The following ANKRD13D variants were observed in gnomAD, a reference collection of about 807,000 sequenced individuals.
ANKRD13D encodes the protein ankyrin repeat domain 13D, also known as ankyrin repeat domain-containing protein 13D.
ANKRD13D carries 24 observed loss-of-function variants against 68.8 expected under a neutral mutation model. That is an observed-to-expected ratio of 0.35 (90% CI 0.25 to 0.49). The LOEUF (loss-of-function observed/expected upper bound fraction) is 0.49. Among genes scored for constraint, ANKRD13D ranks in the 20% least tolerant of loss-of-function variants. The probability of loss-of-function intolerance (pLI) is 0.99; values close to 1 mark genes in which losing one functional copy is unlikely to be tolerated. For synonymous variants in ANKRD13D, 331 were observed against 336.1 expected, an observed-to-expected ratio of 0.98 and a Z score of 0.16; for missense variants, 735 against 832.1, an observed-to-expected ratio of 0.88 and a Z score of 1.44.
rs563561110 is a variant in ANKRD13D at position 67,295,169 on chromosome 11, G to A, written c.731+2989G>A. On this transcript the variant is annotated intron_variant, in intron 6 of 14. Coordinates refer to ENST00000511455, the MANE Select transcript of ANKRD13D (RefSeq NM_207354.3). ...GCGGTGGCTCACGCCTGTAATCCCA[G>A]CACTTTGGGAGGCCGAGGTGGGTGG... Among the ~76,000 whole-genome samples the A allele has an allele frequency of 8.1e-4, 124 of 152,304 alleles. 1 individual carries two copies. The South Asian group carries it at 0.025, about 31-fold the overall frequency.
rs771180296 is a variant in ANKRD13D at position 67,302,272 on chromosome 11, C to T, written c.1758C>T (p.Arg586=). Residue 586 remains arginine, a synonymous_variant, in exon 15 of 15, where the codon CGC becomes CGT. Transcript: ENST00000511455. ...SSREQEERER[R]GQQEEEDLQR... ...GGGAGCAGGAGGAGCGGGAGCGGCGCGGGCAGCAGGAGGAGGAGGACTTAC... is the reference window on the plus strand; with the variant it reads ...GGGAGCAGGAGGAGCGGGAGCGGCGTGGGCAGCAGGAGGAGGAGGACTTAC... 3.1e-5 allele frequency: 48 copies of T among 1,568,106 alleles called. No homozygotes were observed. Among genetic ancestry groups the T allele is most frequent in the South Asian group, 3.5e-5 (3 of 85,510 alleles).
At chr11:67,297,031 A>T (rs11601700) in intron 6 of ANKRD13D, among the ~76,000 whole-genome samples, 2 of 151,720 alleles carry the variant, frequency 1.3e-5, no homozygotes, top group Non-Finnish European at 2.9e-5. Context: ...TTTCTCTATT[A>T]TTTTTCTATT....
Position 67,302,161 on chromosome 11 carries a change from C to T in ANKRD13D, c.1647C>T (p.Gly549=), listed in dbSNP as rs548697717. ...TGCAGCTGTCCACAGAGCCCAGGGG[C>T]CCAGGATCCCCTCCCAGGACACCCC... The part of the protein sequence containing the change: ...ESLQLSTEPR[G]PGSPPRTPPA... Residue 549 remains glycine (G), a synonymous_variant, in exon 15 of 15, where the codon GGC becomes GGT. Transcript: ENST00000511455. 37 of 1,596,634 alleles carry T rather than the reference C, an allele frequency of 2.3e-5. No individual in the cohort carries two copies. The South Asian group carries it at 4.1e-4, about 18-fold the overall frequency.
chr11:67,294,971 G>A (rs1177519805), intron 6 of ANKRD13D, among the ~76,000 whole-genome samples: 1 of 152,236 alleles, frequency 6.6e-6, no homozygotes, highest in South Asian at 2.1e-4. Context: ...TAGATTTTTA[G>A]TGGATTCCTT....
Position 67,300,239 on chromosome 11 carries a change from A to G in ANKRD13D, c.1073+116A>G. 7.0e-7 allele frequency: 1 copy of G among 1,433,278 alleles called. No homozygotes were observed. Among genetic ancestry groups the G allele is most frequent in the Non-Finnish European group, 9.5e-7 (1 of 1,054,902 alleles). 88.8% of individuals were successfully genotyped at this position (1,433,278 alleles called of 1,614,324 possible). ...CTCGGCTGGCTTCTCTCTGGACTCC[A>G]CTCCTGGAGGGCAGGAGTCATGTCT... On this transcript the variant is annotated intron_variant, in intron 10 of 14. Coordinates refer to ENST00000511455, the MANE Select transcript of ANKRD13D (RefSeq NM_207354.3). This position sits in a 1 kb window ranked among gnomAD's most constrained non-coding sequence, Gnocchi z 4.3.
Position 67,290,182 on chromosome 11 carries a change from C to A in ANKRD13D, c.195C>A (p.Asn65Lys), listed in dbSNP as rs556751575. ...GAGTGCTCCTTCGACACAATGCCAACGTGGGCAAAGAGAACCGCCAGGGCT... is the reference window on the plus strand; with the variant it reads ...GAGTGCTCCTTCGACACAATGCCAAAGTGGGCAAAGAGAACCGCCAGGGCT... The part of the protein sequence containing the change: ...SVRVLLRHNA[N>K]VGKENRQGWA... Residue 65 changes from asparagine (N) to lysine (K), a missense_variant, in exon 2 of 15, where the codon AAC (asparagine) becomes AAA (lysine). By Grantham distance (94) the Asn-to-Lys change is moderately conservative (BLOSUM62 0). Coordinates refer to ENST00000511455, the MANE Select transcript of ANKRD13D (RefSeq NM_207354.3). 2 of 1,537,548 alleles carry A rather than the reference C, an allele frequency of 1.3e-6. No homozygotes were observed. Among genetic ancestry groups the A allele is most frequent in the Non-Finnish European group, 1.7e-6 (2 of 1,146,908 alleles).
chr11:67,290,670 C>T (rs1860497679), intron 3 of ANKRD13D: 3 of 595,778 alleles, frequency 5.0e-6, no homozygotes, highest in African/African-American at 1.8e-5. Context: ...GCCTTGCCAG[C>T]TTTGGGCCTC....
chr11:67,298,906 C>T (rs1449203758), intron 6 of ANKRD13D, 152 bp from the exon 7 acceptor site: 4 of 744,358 alleles, frequency 5.4e-6, no homozygotes, highest in Non-Finnish European at 9.6e-6. Flanking sequence ...TGTCCAGGCA[C>T]CCTCTTCAGG....
At chr11:67,297,278 C>G (rs1860787297) in intron 6 of ANKRD13D, among the ~76,000 whole-genome samples, 1 of 152,004 alleles carries the variant, frequency 6.6e-6, no homozygotes, top group Admixed American at 6.6e-5. Context: ...GGTGTGATAG[C>G]TCACTGCAAC....
rs763617809 is a variant in ANKRD13D, at chr11:67,300,981, G to T, written c.1074-9G>T. The T allele has an allele frequency of 6.2e-7, 1 of 1,613,396 alleles. No individual in the cohort carries two copies. Among genetic ancestry groups the T allele is most frequent in the Non-Finnish European group, 8.5e-7 (1 of 1,179,824 alleles). On this transcript the variant is annotated splice_polypyrimidine_tract_variant and intron_variant, in intron 10 of 14. Coordinates refer to ENST00000511455, the MANE Select transcript of ANKRD13D (RefSeq NM_207354.3). This position sits in a 1 kb window ranked among gnomAD's most constrained non-coding sequence, Gnocchi z 4.3. The stretch of plus-strand genomic sequence containing the variant: ...GTGCCTCACCCATGTCCTGTGGTCG[G>T]CTGGGCAGGTTCAAGGCAACACTGT...
rs141465375 is a variant in ANKRD13D, at chr11:67,297,046, A to G, written c.732-2012A>G. On this transcript the variant is annotated intron_variant, in intron 6 of 14. Coordinates refer to ENST00000511455, the MANE Select transcript of ANKRD13D (RefSeq NM_207354.3). ...TTTCTCTATTATTTTTCTATTCTCT[A>G]TTTCATTAACCTTTACTGTAATATT... Among the ~76,000 whole-genome samples the G allele has an allele frequency of 1.9e-4, 29 of 151,920 alleles. No homozygotes were observed. In the East Asian group the frequency reaches 5.6e-3, roughly 29 times the overall value.
rs2134748089 is a variant in ANKRD13D, at chr11:67,301,778, C to A, written c.1559C>A (p.Pro520His). ...ALTNTRPGAR[P>H]PPQATVYEEQ... ...ACCAACACCCGGCCCGGTGCCCGCCCTCCTCCCCAGGCCACGGTTTATGAG... is the reference window on the plus strand; with the variant it reads ...ACCAACACCCGGCCCGGTGCCCGCCATCCTCCCCAGGCCACGGTTTATGAG... Residue 520 changes from proline to histidine, a missense_variant, in exon 14 of 15, where the codon CCT (proline) becomes CAT (histidine). Physicochemically the swap from Pro to His is moderately conservative, Grantham distance 77. Coordinates refer to ENST00000511455, the MANE Select transcript of ANKRD13D (RefSeq NM_207354.3). The surrounding 1 kb of genome is among the most constrained non-coding windows in gnomAD (Gnocchi z 4.5). 3 of 1,609,596 alleles carry A rather than the reference C, an allele frequency of 1.9e-6. No homozygotes were observed. The highest frequency in any genetic ancestry group is 2.5e-6 in the Non-Finnish European group (3 of 1,178,694).
chr11:67,296,950 G>A (rs1006359198), intron 6 of ANKRD13D, among the ~76,000 whole-genome samples: 1 of 151,998 alleles, frequency 6.6e-6, no homozygotes, highest in South Asian at 2.1e-4. Flanking sequence ...TTTGCCCACC[G>A]TGGTCAACCT....
Position 67,301,695 on chromosome 11 carries a change from C to A in ANKRD13D, c.1513-37C>A. 6.2e-7 allele frequency: 1 copy of A among 1,610,798 alleles called. No homozygotes were observed. The highest frequency in any genetic ancestry group is 8.5e-7 in the Non-Finnish European group (1 of 1,179,374). On this transcript the variant is annotated intron_variant, in intron 13 of 14. Transcript: ENST00000511455. This position sits in a 1 kb window ranked among gnomAD's most constrained non-coding sequence, Gnocchi z 4.5. ...GTGGGCTCTGGCCTCTGCAGCCACA[C>A]GGCAGAAGTGACAGCTGTGGGCTCT... is the stretch of plus-strand genomic sequence containing the variant.
rs1171876371 is a variant in ANKRD13D, at chr11:67,301,801, G to C, written c.1582G>C (p.Glu528Gln). 1 of 1,605,420 alleles carries C rather than the reference G, an allele frequency of 6.2e-7. No homozygotes were observed. Among genetic ancestry groups the C allele is most frequent in the Admixed American group, 1.7e-5 (1 of 58,640 alleles). Reference sequence around the variant, plus strand: ...CCCTCCTCCCCAGGCCACGGTTTATGAGGAACAGCTTCAGCTGGAGCGGTG... The same window carrying C: ...CCCTCCTCCCCAGGCCACGGTTTATCAGGAACAGCTTCAGCTGGAGCGGTG... ...ARPPPQATVY[E>Q]EQLQLERALQ... The change falls in exon 14 of 15, where the codon GAG (glutamate) becomes CAG (glutamine). Residue 528 changes from glutamate to glutamine, a missense_variant. By Grantham distance (29) the Glu-to-Gln change is conservative. Coordinates refer to ENST00000511455, the MANE Select transcript of ANKRD13D (RefSeq NM_207354.3). The surrounding 1 kb of genome is among the most constrained non-coding windows in gnomAD (Gnocchi z 4.5).
At chr11:67,289,868 C>G (rs1590862077) in intron 1 of ANKRD13D, 3 of 1,430,734 alleles carry the variant, frequency 2.1e-6, no homozygotes, top group African/African-American at 1.4e-5. Flanking sequence ...TCTGCCTGAC[C>G]AGGCCCCGCC....
intron 1 of ANKRD13D, chr11:67,289,754 C>G (rs1044520358): frequency 5.2e-5 from 74 of 1,415,154 alleles, no homozygotes; most frequent in Admixed American, 3.0e-5. Context: ...CTGGGCCTTG[C>G]CCTGCTCGCC....
intron 3 of ANKRD13D, 83 bp downstream of exon 3, chr11:67,290,529 G>T: frequency 2.7e-6 from 4 of 1,485,634 alleles, no homozygotes; most frequent in Non-Finnish European, 3.6e-6. Context: ...CCTTGGAAAG[G>T]CACCCAGTTT....
intron 6 of ANKRD13D, among the ~76,000 whole-genome samples, chr11:67,297,485 G>C (rs188070724): frequency 7.3e-5 from 11 of 150,684 alleles, no homozygotes; most frequent in African/African-American, 2.7e-4. Flanking sequence ...GTGAGCCACC[G>C]GGCCTGGCCT....
Sources: allele counts gnomAD v4.1 joint callset (sites outside exome capture counted in the v4.1 genomes callset), GRCh38; gene constraint gnomAD v4.1.1; non-coding constraint Gnocchi (gnomAD v3.1); transcripts MANE v1.5; gene names NCBI Gene and HGNC (gene_info 2026-07-23, HGNC 2026-07-21).